Variants in DDX60 observed in about 807,000 individuals in gnomAD.
DDX60 encodes the protein DExD/H-box helicase 60, also known as probable ATP-dependent RNA helicase DDX60.
A neutral mutation model predicts 212.8 loss-of-function variants in DDX60; 165 were observed. The observed-to-expected ratio is 0.78, with a 90% CI of 0.68 to 0.88. DDX60 has a LOEUF of 0.88. Among genes scored for constraint, DDX60 ranks in the 40% least tolerant of loss-of-function variants. The pLI is 0.00. For missense variants in DDX60, 1,905 were observed against 2,003.9 expected, an observed-to-expected ratio of 0.95 and a Z score of 0.94; for synonymous variants, 703 against 685.3, an observed-to-expected ratio of 1.03 and a Z score of -0.40.
At chr4:168,260,635 A>G (rs1190552759) in intron 25 of DDX60, among the ~76,000 whole-genome samples, 1 of 152,026 alleles carries the variant, frequency 6.6e-6, no homozygotes, top group Non-Finnish European at 1.5e-5. Flanking sequence ...GGAGCATGCA[A>G]CCTAGATCTC....
chr4:168,310,090 G>A (rs941512258), intron 3 of DDX60, among the ~76,000 whole-genome samples: 1 of 152,158 alleles, frequency 6.6e-6, no homozygotes, highest in Admixed American at 6.5e-5. Flanking sequence ...CCTGAAATCA[G>A]GAAGTACCTT....
chr4:168,315,918 T>G (rs1737350786), intron 1 of DDX60, among the ~76,000 whole-genome samples: 1 of 152,226 alleles, frequency 6.6e-6, no homozygotes, highest in African/African-American at 2.4e-5. Flanking sequence ...GTAGAATGAT[T>G]TATAATCCTT....
intron 13 of DDX60, 123 bp from the exon 14 acceptor site, chr4:168,280,713 G>T: frequency 8.9e-7 from 1 of 1,126,886 alleles, no homozygotes; most frequent in Non-Finnish European, 1.2e-6. Flanking sequence ...TTGAGTAGAT[G>T]TGAAAAATTT....
chr4:168,251,060 T>C lies in DDX60; in HGVS notation c.3752A>G (p.Glu1251Gly). 1 of 1,613,730 alleles carries C rather than the reference T, an allele frequency of 6.2e-7. No individual in the cohort carries two copies. Among genetic ancestry groups the C allele is most frequent in the Non-Finnish European group, 8.5e-7 (1 of 1,179,874 alleles). Residue 1251 changes from glutamate (E) to glycine (G), a missense_variant, in exon 28 of 38, where the codon GAA becomes GGA. Transcript: ENST00000393743. ...FGRVKFERKG[E>G]ELKALAERGI... The stretch of plus-strand genomic sequence containing the variant: ...CCTTTCTGCCAAGGCTTTCAATTCT[T>C]CACCTTTTCTTTCAAATTTTACTCG...
intron 10 of DDX60, among the ~76,000 whole-genome samples, chr4:168,286,416 A>ACACACACACACACACACACC (rs774764702): frequency 4.3e-5 from 5 of 115,754 alleles, no homozygotes; most frequent in African/African-American, 1.6e-4. Context: ...ACACACACAC[A>ACACACACACACACACACACC]CCACACGAGA....
At chr4:168,263,011 A>G (rs1734688051) in intron 22 of DDX60, among the ~76,000 whole-genome samples, 1 of 152,186 alleles carries the variant, frequency 6.6e-6, no homozygotes, top group South Asian at 2.1e-4. Context: ...ATTACTTCCC[A>G]AGACCTTTTC....
intron 22 of DDX60, 57 bp downstream of exon 22, chr4:168,267,525 T>C (rs953756764): frequency 3.9e-6 from 3 of 771,022 alleles, no homozygotes; most frequent in Non-Finnish European, 5.7e-6. Flanking sequence ...CATTTATTTA[T>C]AATATATACA....
At chr4:168,246,363 AC>A in intron 30 of DDX60, 54 bp downstream of exon 30, 1 of 1,607,878 alleles carries the variant, frequency 6.2e-7, no homozygotes, top group Non-Finnish European at 8.5e-7. Context: ...AGCAGACCTG[AC>A]TAAAGTCAGG....
chr4:168,310,241 A>G (rs1737070366), intron 3 of DDX60, among the ~76,000 whole-genome samples: 1 of 152,142 alleles, frequency 6.6e-6, no homozygotes, highest in South Asian at 2.1e-4. Context: ...CAGCCTTTAG[A>G]TCAGAGTGTC....
At chr4:168,256,423 C>T (rs1353767507) in intron 25 of DDX60, among the ~76,000 whole-genome samples, 3 of 152,138 alleles carry the variant, frequency 2.0e-5, no homozygotes, top group Non-Finnish European at 4.4e-5. Flanking sequence ...GGGCTTTATA[C>T]TTCTTGAAAT....
chr4:168,296,658 C>T (rs1290285820), intron 6 of DDX60, among the ~76,000 whole-genome samples: 1 of 151,836 alleles, frequency 6.6e-6, no homozygotes, highest in Non-Finnish European at 1.5e-5. Flanking sequence ...TATCTTGTAA[C>T]AAACCTCGGT....
chr4:168,316,002 G>A (rs547112860), intron 1 of DDX60, among the ~76,000 whole-genome samples: 2 of 152,120 alleles, frequency 1.3e-5, no homozygotes, highest in Non-Finnish European at 1.5e-5. Flanking sequence ...GAATGGCCAC[G>A]CTGTCTTCCA....
At chr4:168,274,104 T>C in intron 16 of DDX60, 21 bp from the exon 17 acceptor site, 1 of 1,613,236 alleles carries the variant, frequency 6.2e-7, no homozygotes, top group African/African-American at 1.3e-5. Context: ...CAGAGTACCA[T>C]TCATGTCAAG....
chr4:168,297,263 GAAAGAAAAAGA>G (rs1736389552), intron 6 of DDX60, among the ~76,000 whole-genome samples: 2 of 138,908 alleles, frequency 1.4e-5, no homozygotes, highest in African/African-American at 5.9e-5. Context: ...TGGAAAGAAA[GAAAGAAAAAGA>G]AAGAAAGAAA....
At chr4:168,226,405 C>T (rs552754361) in intron 33 of DDX60, among the ~76,000 whole-genome samples, 57 of 152,086 alleles carry the variant, frequency 3.7e-4, no homozygotes, top group African/African-American at 1.1e-3. Context: ...TAAAAAAAGA[C>T]GCCAGAGAGC....
At position 168,250,807 on chromosome 4, in the gene DDX60, G is replaced by A. The variant is rs1043769454; in HGVS notation, c.3858+147C>T. 7.8e-6 allele frequency: 5 copies of A among 640,468 alleles called. No homozygotes were observed. In the African/African-American group the frequency reaches 9.4e-5, roughly 12 times the overall value. The allele number at this position is 640,468 out of a possible 1,614,324, so 39.7% of individuals were successfully genotyped here. ...CCCAAAGTGCTGGTATTATAGGTAT[G>A]ACCCATCACGCCCGGCCAACTTATT... On this transcript the variant is annotated intron_variant, in intron 28 of 37. Transcript: ENST00000393743.
At chr4:168,258,346 C>G (rs1356248931) in intron 25 of DDX60, among the ~76,000 whole-genome samples, 1 of 152,142 alleles carries the variant, frequency 6.6e-6, no homozygotes. Context: ...TTCATGGGGG[C>G]AGAGGTGGGA....
chr4:168,226,941 A>G (rs1578969871), intron 33 of DDX60, among the ~76,000 whole-genome samples: 1 of 152,170 alleles, frequency 6.6e-6, no homozygotes, highest in East Asian at 1.9e-4. Context: ...AATAGCTAGA[A>G]AGACTGGTCT....
chr4:168,324,539 T>A, the DDX60 span, among the ~76,000 whole-genome samples: 1 of 152,152 alleles, frequency 6.6e-6, no homozygotes, highest in Admixed American at 6.5e-5. Flanking sequence ...AGTAAAAGCA[T>A]CAGCGAGATT....
Sources: allele counts gnomAD v4.1 joint callset (sites outside exome capture counted in the v4.1 genomes callset), GRCh38; gene constraint gnomAD v4.1.1; transcripts MANE v1.5; gene names NCBI Gene and HGNC (gene_info 2026-07-23, HGNC 2026-07-21).